Variants in MARCHF11 observed in about 807,000 individuals in gnomAD.
MARCHF11 encodes membrane associated ring-CH-type finger 11.
A neutral mutation model predicts 37.3 loss-of-function variants in MARCHF11; 29 were observed. The ratio of observed to expected loss-of-function variants is 0.78; its 90% CI spans 0.58 to 1.06. The LOEUF (loss-of-function observed/expected upper bound fraction) is 1.06. Among genes scored for constraint, MARCHF11 ranks in the 50% least tolerant of loss-of-function variants. The pLI is 0.00. For synonymous variants in MARCHF11, 233 were observed against 228.0 expected (o/e 1.02, Z -0.20); for missense variants, 482 against 533.4 (o/e 0.90, Z 0.95).
chr5:16,115,709 C>A (rs1737217719), intron 2 of MARCHF11, among the ~76,000 whole-genome samples: 1 of 151,624 alleles, frequency 6.6e-6, no homozygotes, highest in African/African-American at 2.4e-5. Flanking sequence ...CTCACTGCAA[C>A]CTCCACTTCC....
At chr5:16,141,776 A>G (rs34667413) in intron 2 of MARCHF11, among the ~76,000 whole-genome samples, 4,919 of 152,308 alleles carry the variant, frequency 0.032, 285 homozygotes, top group African/African-American at 0.11. Context: ...AAAAACAAAA[A>G]CAAAAAACAC....
chr5:16,130,638 G>A (rs977117999), intron 2 of MARCHF11, among the ~76,000 whole-genome samples: 2 of 152,098 alleles, frequency 1.3e-5, no homozygotes, highest in Admixed American at 6.6e-5. Flanking sequence ...AACAAAAATA[G>A]CAATTTTATC....
At chr5:16,142,460 GT>G (rs770329357) in intron 2 of MARCHF11, among the ~76,000 whole-genome samples, 20 of 152,086 alleles carry the variant, frequency 1.3e-4, no homozygotes, top group Non-Finnish European at 2.5e-4. Flanking sequence ...AGCTCGCAGG[GT>G]AAACACATAG....
intron 3 of MARCHF11, among the ~76,000 whole-genome samples, chr5:16,074,947 A>G (rs1424589253): frequency 2.0e-5 from 3 of 152,238 alleles, no homozygotes; most frequent in African/African-American, 7.2e-5. Flanking sequence ...TGAAGTCTGC[A>G]GCCATCGGCC....
chr5:16,178,899 C>G, intron 1 of MARCHF11, 140 bp downstream of exon 1: 2 of 1,049,648 alleles, frequency 1.9e-6, no homozygotes, highest in Non-Finnish European at 2.5e-6. Context: ...CATATTGGAG[C>G]CAGCGCTCAC....
At chr5:16,132,046 T>A (rs76081809) in intron 2 of MARCHF11, among the ~76,000 whole-genome samples, 2 of 152,370 alleles carry the variant, frequency 1.3e-5, no homozygotes, top group East Asian at 3.9e-4. Context: ...ATTTCATCCC[T>A]GATCCAGAGC....
At chr5:16,107,372 T>C (rs933487917) in intron 2 of MARCHF11, among the ~76,000 whole-genome samples, 1 of 152,122 alleles carries the variant, frequency 6.6e-6, no homozygotes, top group African/African-American at 2.4e-5. Context: ...ATGATTGCTT[T>C]TTAGTCAGTT....
rs529290992 is a variant in MARCHF11 at position 16,078,570 on chromosome 5, G to A, written c.887-10777C>T. On this transcript the variant is annotated intron_variant, in intron 3 of 3. Coordinates refer to ENST00000332432, the MANE Select transcript of MARCHF11 (RefSeq NM_001102562.3). Reference sequence around the variant, plus strand: ...TTCTGCATGGAAGCATCATTTAGAAGAATGGTCATGTTCACATTTCTTTGA... The same window carrying A: ...TTCTGCATGGAAGCATCATTTAGAAAAATGGTCATGTTCACATTTCTTTGA... 4.7e-4 allele frequency among the ~76,000 whole-genome samples: 72 copies of A among 152,264 alleles called. 1 individual carries two copies. Among genetic ancestry groups the A allele is most frequent in the South Asian group, 1.5e-3 (7 of 4,810 alleles).
chr5:16,077,327 C>G (rs539645778), intron 3 of MARCHF11, among the ~76,000 whole-genome samples: 1 of 152,066 alleles, frequency 6.6e-6, no homozygotes, highest in African/African-American at 2.4e-5. Flanking sequence ...CTGTTTTTCT[C>G]CAACGGATAA....
chr5:16,168,285 A>T (rs892351411), intron 2 of MARCHF11, among the ~76,000 whole-genome samples: 1 of 152,068 alleles, frequency 6.6e-6, no homozygotes, highest in Non-Finnish European at 1.5e-5. Context: ...ACCCATCCTT[A>T]TATGTTTCAC....
At chr5:16,083,401 T>A (rs1044507325) in intron 3 of MARCHF11, among the ~76,000 whole-genome samples, 3 of 152,204 alleles carry the variant, frequency 2.0e-5, no homozygotes, top group Admixed American at 2.0e-4. Context: ...ACCTGATAAA[T>A]TTCATATTTA....
intron 2 of MARCHF11, among the ~76,000 whole-genome samples, chr5:16,116,231 G>A (rs974510090): frequency 1.3e-5 from 2 of 152,178 alleles, no homozygotes; most frequent in Non-Finnish European, 2.9e-5. Context: ...CTTTCCGTCT[G>A]TCTGTCTAAC....
intron 3 of MARCHF11, among the ~76,000 whole-genome samples, chr5:16,069,988 G>A (rs1736406205): frequency 1.3e-5 from 2 of 152,170 alleles, no homozygotes; most frequent in African/African-American, 4.8e-5. Context: ...AAAAATGCAT[G>A]TGGTCTAACA....
chr5:16,177,991 G>T (rs1738392500), intron 1 of MARCHF11, 110 bp from the exon 2 acceptor site: 3 of 1,044,006 alleles, frequency 2.9e-6, no homozygotes, highest in African/African-American at 3.2e-5. Context: ...ACAGCATCAG[G>T]CTCTATCATA....
intron 3 of MARCHF11, among the ~76,000 whole-genome samples, chr5:16,075,462 T>C (rs1736501718): frequency 6.6e-6 from 1 of 152,224 alleles, no homozygotes; most frequent in Non-Finnish European, 1.5e-5. Context: ...AATGATTTGC[T>C]TCTATGCCTG....
chr5:16,127,068 G>C (rs1737421022), intron 2 of MARCHF11, among the ~76,000 whole-genome samples: 1 of 152,156 alleles, frequency 6.6e-6, no homozygotes. Context: ...CATATCTAGA[G>C]TAATATAAAC....
chr5:16,117,200 AG>A (rs1737238595), intron 2 of MARCHF11, among the ~76,000 whole-genome samples: 1 of 152,196 alleles, frequency 6.6e-6, no homozygotes, highest in Non-Finnish European at 1.5e-5. Context: ...GAGGGGGTCT[AG>A]CTAAGCACCA....
At chr5:16,116,903 CAG>C (rs1243053153) in intron 2 of MARCHF11, among the ~76,000 whole-genome samples, 1 of 152,112 alleles carries the variant, frequency 6.6e-6, no homozygotes, top group Non-Finnish European at 1.5e-5. Context: ...ATTTCAAGTA[CAG>C]GGAATAAAAA....
chr5:16,176,305 A>T (rs772682394), intron 2 of MARCHF11, among the ~76,000 whole-genome samples: 3 of 152,132 alleles, frequency 2.0e-5, no homozygotes, highest in Non-Finnish European at 4.4e-5. Flanking sequence ...AAACTCTCTC[A>T]TTTCTTATTT....
Sources: allele counts gnomAD v4.1 joint callset (sites outside exome capture counted in the v4.1 genomes callset), GRCh38; gene constraint gnomAD v4.1.1; transcripts MANE v1.5; gene names NCBI Gene and HGNC (gene_info 2026-07-23, HGNC 2026-07-21).